The following KCNMA1 variants were observed in gnomAD, a reference collection of about 807,000 sequenced individuals.
The protein encoded by KCNMA1 is Calcium-activated potassium channel subunit alpha-1.
KCNMA1 carries 29 observed loss-of-function variants against 140.0 expected under a neutral mutation model. The ratio of observed to expected loss-of-function variants is 0.21; its 90% CI spans 0.15 to 0.28. The LOEUF (loss-of-function observed/expected upper bound fraction) is 0.28, where lower values mean the gene tolerates loss of function less well. Ranked by LOEUF, KCNMA1 falls within the 10% of genes least tolerant of loss-of-function variation. KCNMA1 has a pLI of 1.00. For synonymous variants in KCNMA1, 612 were observed against 611.9 expected, an observed-to-expected ratio of 1.00 and a Z score of 0.00; for missense variants, 880 against 1,602.2, an observed-to-expected ratio of 0.55 and a Z score of 7.70.
chr10:77,170,408 G>A (rs2154098359), intron 5 of KCNMA1, among the ~76,000 whole-genome samples: 1 of 152,212 alleles, frequency 6.6e-6, no homozygotes, highest in African/African-American at 2.4e-5. Context: ...GGAGCGGGCT[G>A]AGATACTGTA....
chr10:77,209,734 C>T (rs193127255), intron 3 of KCNMA1, among the ~76,000 whole-genome samples: 2 of 152,010 alleles, frequency 1.3e-5, no homozygotes, highest in African/African-American at 2.4e-5. Flanking sequence ...ACAACTGATC[C>T]CACAGAATTA....
At chr10:76,928,168 T>C (rs2058253068) in intron 23 of KCNMA1, among the ~76,000 whole-genome samples, 1 of 152,024 alleles carries the variant, frequency 6.6e-6, no homozygotes, top group Admixed American at 6.6e-5. Context: ...ATTAATCTCC[T>C]TGAAACAGAA....
intron 1 of KCNMA1, among the ~76,000 whole-genome samples, chr10:77,618,426 C>T (rs1439980931): frequency 6.6e-6 from 1 of 152,114 alleles, no homozygotes; most frequent in Non-Finnish European, 1.5e-5. Context: ...TAAATATGGT[C>T]CAGGAGAGAA....
intron 9 of KCNMA1, among the ~76,000 whole-genome samples, chr10:77,093,371 C>T (rs1017572352): frequency 2.8e-4 from 43 of 152,282 alleles, no homozygotes; most frequent in African/African-American, 6.7e-4. Flanking sequence ...TCCAATCTGT[C>T]CTATATCTGA....
chr10:77,268,012 A>C (rs1373053785), intron 2 of KCNMA1, among the ~76,000 whole-genome samples: 1 of 152,176 alleles, frequency 6.6e-6, no homozygotes, highest in Non-Finnish European at 1.5e-5. Flanking sequence ...TCTACTTCCC[A>C]GTTTGCTTGA....
At chr10:77,561,523 C>T (rs2066392686) in intron 1 of KCNMA1, among the ~76,000 whole-genome samples, 1 of 152,216 alleles carries the variant, frequency 6.6e-6, no homozygotes, top group Non-Finnish European at 1.5e-5. Flanking sequence ...CTCCTAATTA[C>T]CTCCACTACA....
At chr10:77,476,048 G>C (rs816856) in intron 1 of KCNMA1, among the ~76,000 whole-genome samples, 23,341 of 152,018 alleles carry the variant, frequency 0.15, 1,916 homozygotes, top group Admixed American at 0.2. Context: ...AGTTCCACCC[G>C]TACCCCCAAA....
chr10:77,630,376 T>C (rs767702238), intron 1 of KCNMA1, among the ~76,000 whole-genome samples: 2 of 152,114 alleles, frequency 1.3e-5, no homozygotes, highest in Non-Finnish European at 2.9e-5. Flanking sequence ...CACACATTGG[T>C]GGGTAACACA....
intron 5 of KCNMA1, among the ~76,000 whole-genome samples, chr10:77,150,435 T>A (rs1312021810): frequency 2.0e-5 from 3 of 152,216 alleles, no homozygotes; most frequent in Non-Finnish European, 4.4e-5. Flanking sequence ...ATAAAATGAA[T>A]TAATCATCAA....
intron 2 of KCNMA1, among the ~76,000 whole-genome samples, chr10:77,342,678 T>G (rs1234667705): frequency 1.3e-5 from 2 of 152,230 alleles, no homozygotes; most frequent in Non-Finnish European, 2.9e-5. Context: ...AAGCCATGCC[T>G]GCTTGCAAAC....
At chr10:76,900,295 T>C (rs1026504186) in intron 25 of KCNMA1, among the ~76,000 whole-genome samples, 2 of 152,094 alleles carry the variant, frequency 1.3e-5, no homozygotes, top group Non-Finnish European at 2.9e-5. Flanking sequence ...CACTCATTTA[T>C]TTCTACCATA....
At chr10:77,272,379 T>A (rs1030716172) in intron 2 of KCNMA1, among the ~76,000 whole-genome samples, 1 of 152,186 alleles carries the variant, frequency 6.6e-6, no homozygotes, top group Non-Finnish European at 1.5e-5. Context: ...ATCTTTCATA[T>A]TTTGAAGGCA....
chr10:77,102,844 T>C (rs1252567272), intron 9 of KCNMA1, among the ~76,000 whole-genome samples: 1 of 152,188 alleles, frequency 6.6e-6, no homozygotes, highest in African/African-American at 2.4e-5. Context: ...GTAATTGGCA[T>C]TTGCTTTAGT....
intron 23 of KCNMA1, among the ~76,000 whole-genome samples, chr10:76,937,516 G>A (rs1004177591): frequency 6.6e-6 from 1 of 152,178 alleles, no homozygotes; most frequent in Non-Finnish European, 1.5e-5. Flanking sequence ...TTAACATGCA[G>A]AGGTCCTCAA....
intron 19 of KCNMA1, among the ~76,000 whole-genome samples, chr10:76,990,851 G>A (rs781167050): frequency 7.2e-5 from 11 of 152,206 alleles, no homozygotes; most frequent in Non-Finnish European, 1.5e-4. Context: ...GTAAGGGAAT[G>A]CTTGGTGCAG....
intron 2 of KCNMA1, among the ~76,000 whole-genome samples, chr10:77,266,874 A>G (rs943543173): frequency 3.9e-5 from 6 of 152,158 alleles, no homozygotes; most frequent in Admixed American, 1.3e-4. Flanking sequence ...TTATTAAATG[A>G]CTGCTGTATA....
chr10:77,101,545 T>A (rs188338827), intron 9 of KCNMA1, among the ~76,000 whole-genome samples: 1,566 of 152,322 alleles, frequency 0.01, 11 homozygotes, highest in Middle Eastern at 0.027. Flanking sequence ...GATATGTTGA[T>A]GATTTGCTAA....
intron 3 of KCNMA1, among the ~76,000 whole-genome samples, chr10:77,191,762 CTCTAA>C (rs2098940146): frequency 1.3e-5 from 2 of 152,118 alleles, no homozygotes; most frequent in African/African-American, 4.8e-5. Context: ...CTTGAAATGA[CTCTAA>C]TGTAAATAGA....
chr10:77,562,578 T>A (rs1297873368), intron 1 of KCNMA1, among the ~76,000 whole-genome samples: 1 of 152,148 alleles, frequency 6.6e-6, no homozygotes, highest in Non-Finnish European at 1.5e-5. Flanking sequence ...TTAATGAAAA[T>A]GTAAAGGTGG....
Sources: allele counts gnomAD v4.1 joint callset (sites outside exome capture counted in the v4.1 genomes callset), GRCh38; gene constraint gnomAD v4.1.1; transcripts MANE v1.5; gene names NCBI Gene and HGNC (gene_info 2026-07-23, HGNC 2026-07-21).